Variants in GAREM2 observed in about 807,000 individuals in gnomAD.
The protein encoded by GAREM2 is GRB2 associated regulator of MAPK1 subtype 2, also known as GRB2-associated and regulator of MAPK protein 2.
GAREM2 carries 30 observed loss-of-function variants against 55.6 expected under a neutral mutation model. That is an observed-to-expected ratio of 0.54 (90% CI 0.40 to 0.73). The LOEUF is 0.73. GAREM2 is among the 30% of genes least tolerant of loss of function. The pLI is 0.00. For synonymous variants in GAREM2, 550 were observed against 569.1 expected (o/e 0.97, Z 0.48); for missense variants, 1,075 against 1,257.7 (o/e 0.85, Z 2.20).
chr2:26,180,050 T>TTTCCTC (rs1370103090), intron 2 of GAREM2, among the ~76,000 whole-genome samples: 2 of 152,110 alleles, frequency 1.3e-5, no homozygotes, highest in Non-Finnish European at 2.9e-5. Flanking sequence ...CCTCCACATT[T>TTTCCTC]TTCCTCTGTT....
downstream of GAREM2, chr2:26,192,496 C>A: frequency 1.1e-6 from 1 of 910,790 alleles, no homozygotes; most frequent in Non-Finnish European, 1.8e-6. Flanking sequence ...GTTCTCAGAA[C>A]CCTGGCCTGG....
At chr2:26,175,014 C>T (rs1053334925) in intron 1 of GAREM2, among the ~76,000 whole-genome samples, 3 of 152,070 alleles carry the variant, frequency 2.0e-5, no homozygotes, top group Admixed American at 6.5e-5. Context: ...GACAACACCC[C>T]CAACACACAC....
chr2:26,187,221 CTG>C lies in GAREM2; in HGVS notation c.1599-8_1599-7del. 6.9e-7 allele frequency: 1 copy of C among 1,445,044 alleles called. No homozygotes were observed. Among genetic ancestry groups the C allele is most frequent in the African/African-American group, 1.4e-5 (1 of 69,798 alleles). The allele number at this position is 1,445,044 out of a possible 1,614,324, so 89.5% of individuals were successfully genotyped here. A position where few individuals can be genotyped will look rare whatever the true frequency, so the allele number is the denominator to read the frequency against. On this transcript the variant is annotated splice_region_variant and splice_polypyrimidine_tract_variant and intron_variant, in intron 5 of 5. Coordinates refer to ENST00000401533, the MANE Select transcript of GAREM2 (RefSeq NM_001168241.2). Reference sequence around the variant, plus strand: ...CTGTCCTATGTGTGTGTGTCTGTCTCTGTCCACAGGGCGGGTTCCCGCAGTGG... The same window carrying C: ...CTGTCCTATGTGTGTGTGTCTGTCTCTCCACAGGGCGGGTTCCCGCAGTGG...
At chr2:26,175,249 G>A (rs1668825737) in intron 1 of GAREM2, among the ~76,000 whole-genome samples, 1 of 152,038 alleles carries the variant, frequency 6.6e-6, no homozygotes, top group African/African-American at 2.4e-5. Context: ...ACCAGCTGCA[G>A]CCCGGACACA....
chr2:26,194,523 CTGAA>C, downstream of GAREM2: 1 of 1,099,348 alleles, frequency 9.1e-7, no homozygotes, highest in South Asian at 1.2e-5. Context: ...TTTAGAGTGA[CTGAA>C]GGAGTGGAAG....
At chr2:26,182,587 G>A in intron 2 of GAREM2, 1 of 1,243,596 alleles carries the variant, frequency 8.0e-7, no homozygotes. Flanking sequence ...CAGAGGTCAG[G>A]CTGGGACAGA....
Position 26,186,116 on chromosome 2 carries a change from C to G in GAREM2, c.1429-73C>G. Reference sequence around the variant, plus strand: ...AGGCCCAGACAGCCCCCTCGCCCAGCTGCTTGGGAAGGGGAAGATAAGGAG... The same window carrying G: ...AGGCCCAGACAGCCCCCTCGCCCAGGTGCTTGGGAAGGGGAAGATAAGGAG... On this transcript the variant is annotated intron_variant, in intron 4 of 5. Transcript: ENST00000401533. 1.7e-5 allele frequency: 24 copies of G among 1,394,704 alleles called. No homozygotes were observed. The South Asian group carries it at 3.4e-4, about 20-fold the overall frequency. The allele number at this position is 1,394,704 out of a possible 1,614,324, so 86.4% of individuals were successfully genotyped here.
At chr2:26,198,970 C>T in the GAREM2 span, among the ~76,000 whole-genome samples, 1 of 151,936 alleles carries the variant, frequency 6.6e-6, no homozygotes, top group South Asian at 2.1e-4. Flanking sequence ...TCTCAGCTCA[C>T]CGCAAGCTTT....
At chr2:26,173,472 C>A (rs1668764940) in intron 1 of GAREM2, 140 bp downstream of exon 1, 2 of 408,886 alleles carry the variant, frequency 4.9e-6, no homozygotes, top group African/African-American at 2.1e-5. Context: ...CGGTTCCTGG[C>A]GCGCCTCCCG....
chr2:26,176,287 C>T, intron 1 of GAREM2, 57 bp from the exon 2 acceptor site: 1 of 1,442,544 alleles, frequency 6.9e-7, no homozygotes, highest in South Asian at 1.4e-5. Flanking sequence ...TTCTTTCTGC[C>T]CCTTCTAATG....
chr2:26,179,194 C>T lies in GAREM2; in HGVS notation c.253+2710C>T, dbSNP rs999630958. 6.6e-6 allele frequency among the ~76,000 whole-genome samples: 1 copy of T among 152,160 alleles called. No homozygotes were observed. The highest frequency in any genetic ancestry group is 2.4e-5 in the African/African-American group (1 of 41,434). Reference sequence around the variant, plus strand: ...CCTGGCCCCGTACTGTCCCCCGTCCCAGCCCCCGCCCCTGGCCCTGCGGGA... The same window carrying T: ...CCTGGCCCCGTACTGTCCCCCGTCCTAGCCCCCGCCCCTGGCCCTGCGGGA... On this transcript the variant is annotated intron_variant, in intron 2 of 5. Coordinates refer to ENST00000401533, the MANE Select transcript of GAREM2 (RefSeq NM_001168241.2). The surrounding 1 kb of genome is among the most constrained non-coding windows in gnomAD (Gnocchi z 4.7).
chr2:26,192,383 C>T (rs762684604), downstream of GAREM2: 33 of 1,608,604 alleles, frequency 2.1e-5, no homozygotes, highest in Non-Finnish European at 2.7e-5. Flanking sequence ...TTCCTCTTCA[C>T]ACCCTCCTGA....
chr2:26,182,414 C>T (rs1452569251), intron 2 of GAREM2: 15 of 1,549,640 alleles, frequency 9.7e-6, no homozygotes, highest in African/African-American at 1.4e-5. Context: ...CCTTCAAGGG[C>T]TGGGCCAGGC....
Position 26,184,784 on chromosome 2 carries a change from G to T in GAREM2, c.936G>T (p.Pro312=), listed in dbSNP as rs746879943. 3 of 1,500,200 alleles carry T rather than the reference G, an allele frequency of 2.0e-6. No individual in the cohort carries two copies. The highest frequency in any genetic ancestry group is 2.7e-6 in the Non-Finnish European group (3 of 1,131,394). 92.9% of individuals were successfully genotyped at this position (1,500,200 alleles called of 1,614,324 possible). Residue 312 remains proline, a synonymous_variant, in exon 4 of 6, where the codon CCG becomes CCT. Coordinates refer to ENST00000401533, the MANE Select transcript of GAREM2 (RefSeq NM_001168241.2). ...CGCTGCGCCGCGAGGGCCCGGCGCC[G>T]CTGCACTTCCTGCTGCTCACGGACA... ...GLALRREGPA[P]LHFLLLTDTP... is the part of the protein sequence containing the mutation.
intron 2 of GAREM2, 120 bp downstream of exon 2, chr2:26,176,604 G>A: frequency 1.0e-6 from 1 of 968,344 alleles, no homozygotes; most frequent in South Asian, 3.1e-5. Flanking sequence ...TAGGGTTGGA[G>A]TCAGAGCCCA....
chr2:26,188,200 C>A lies in GAREM2; in HGVS notation c.2568C>A (p.Thr856=). 6.5e-7 allele frequency: 1 copy of A among 1,533,226 alleles called. No homozygotes were observed. The highest frequency in any genetic ancestry group is 8.8e-7 in the Non-Finnish European group (1 of 1,135,882). 95.0% of individuals were successfully genotyped at this position (1,533,226 alleles called of 1,614,324 possible). ...TCCTGGCAGATGACTTCCACCTCAC[C>A]AAGCTGCAGGTCAAGAAGATCATGC... The part of the protein sequence containing the change: ...EDILADDFHL[T]KLQVKKIMQF... The change falls in exon 6 of 6, where the codon ACC becomes ACA. Residue 856 remains threonine (T), a synonymous_variant. Coordinates refer to ENST00000401533, the MANE Select transcript of GAREM2 (RefSeq NM_001168241.2).
At chr2:26,174,908 T>C (rs1668811616) in intron 1 of GAREM2, among the ~76,000 whole-genome samples, 1 of 152,136 alleles carries the variant, frequency 6.6e-6, no homozygotes, top group Non-Finnish European at 1.5e-5. Flanking sequence ...GCTGTGAAGA[T>C]GGGGCTAGGA....
chr2:26,192,185 C>G (rs1669526273), downstream of GAREM2: 1 of 658,796 alleles, frequency 1.5e-6, no homozygotes, highest in Non-Finnish European at 2.7e-6. Flanking sequence ...ACCTATGTAA[C>G]AAACCTGCAC....
the GAREM2 span, chr2:26,197,873 C>A: frequency 2.6e-6 from 2 of 760,806 alleles, no homozygotes; most frequent in Non-Finnish European, 4.9e-6. Flanking sequence ...GCCCAGCCCA[C>A]TCTGTCCCCC....
Sources: allele counts gnomAD v4.1 joint callset (sites outside exome capture counted in the v4.1 genomes callset), GRCh38; gene constraint gnomAD v4.1.1; non-coding constraint Gnocchi (gnomAD v3.1); transcripts MANE v1.5; gene names NCBI Gene and HGNC (gene_info 2026-07-23, HGNC 2026-07-21).